The following PHACTR2 variants were observed in gnomAD, a reference collection of about 807,000 sequenced individuals.
The protein encoded by PHACTR2 is phosphatase and actin regulator 2.
PHACTR2 carries 30 observed loss-of-function variants against 76.0 expected under a neutral mutation model. The observed-to-expected ratio is 0.39, with a 90% CI of 0.30 to 0.54. The LOEUF (loss-of-function observed/expected upper bound fraction) is 0.54, where lower values mean the gene tolerates loss of function less well. Among genes scored for constraint, PHACTR2 ranks in the 20% least tolerant of loss-of-function variants. The probability of loss-of-function intolerance (pLI) is 0.61; values close to 1 mark genes in which losing one functional copy is unlikely to be tolerated. For synonymous variants in PHACTR2, 292 were observed against 292.5 expected (o/e 1.00, Z 0.02); for missense variants, 696 against 781.1 (o/e 0.89, Z 1.30).
rs567810647 is a variant in PHACTR2, at chr6:143,705,301, T to G, written c.47-6715T>G. 4.0e-5 allele frequency among the ~76,000 whole-genome samples: 6 copies of G among 149,736 alleles called. No homozygotes were observed. In the South Asian group the frequency reaches 1.3e-3, roughly 32 times the overall value. On this transcript the variant is annotated intron_variant, in intron 1 of 12. Coordinates refer to ENST00000440869, the MANE Select transcript of PHACTR2 (RefSeq NM_001100164.2). ...GTCTGGCTAATTTTTGCATTTTTTT[T>G]TTTTTTTTTTTGAGACGGAGTCTTG...
rs1281927633 is a variant in PHACTR2, at chr6:143,780,284, T to C, written c.1645+2901T>C. Among the ~76,000 whole-genome samples the C allele has an allele frequency of 6.6e-6, 1 of 152,086 alleles. No individual in the cohort carries two copies. Among genetic ancestry groups the C allele is most frequent in the East Asian group, 1.9e-4 (1 of 5,188 alleles). On this transcript the variant is annotated intron_variant, in intron 9 of 12. Coordinates refer to ENST00000440869, the MANE Select transcript of PHACTR2 (RefSeq NM_001100164.2). The surrounding 1 kb of genome is among the most constrained non-coding windows in gnomAD (Gnocchi z 4.4). ...TTGATCCAGCTTTTTTTAATGCACT[T>C]TAAGTTTATGTGTGTCTTTTTCATT...
chr6:143,749,012 A>T lies in PHACTR2; in HGVS notation c.242A>T (p.Gln81Leu). The T allele has an allele frequency of 6.3e-7, 1 of 1,586,632 alleles. No individual in the cohort carries two copies. The highest frequency in any genetic ancestry group is 8.7e-7 in the Non-Finnish European group (1 of 1,155,186). ...TTAGAAAGGAAGATATCCACACGAC[A>T]AAGTAGAGAGGAGCTGATAAGAAGG... ...AVLERKISTR[Q>L]SREELIRRGV... Residue 81 changes from glutamine (Q) to leucine (L), a missense_variant, in exon 3 of 13, where the codon CAA becomes CTA. This residue lies in a region of PHACTR2 where 460 missense variants were observed against 450.9 expected (regional missense o/e 1.02). Coordinates refer to ENST00000440869, the MANE Select transcript of PHACTR2 (RefSeq NM_001100164.2).
At chr6:143,655,157 C>CAAAAAAA (rs151076366) in intron 1 of PHACTR2, among the ~76,000 whole-genome samples, 7 of 98,962 alleles carry the variant, frequency 7.1e-5, no homozygotes, top group South Asian at 3.1e-4. Flanking sequence ...AACTCCGTCT[C>CAAAAAAA]AAAAAAAAAA....
chr6:143,718,879 T>TTTTTG (rs1180098136), intron 2 of PHACTR2, among the ~76,000 whole-genome samples: 1 of 130,592 alleles, frequency 7.7e-6, no homozygotes, highest in Non-Finnish European at 1.7e-5. Context: ...GGAAGTGTTT[T>TTTTTG]TTTTTTTTTT....
At chr6:143,685,206 T>G (rs1341851764) in intron 1 of PHACTR2, among the ~76,000 whole-genome samples, 1 of 152,100 alleles carries the variant, frequency 6.6e-6, no homozygotes, top group East Asian at 1.9e-4. Context: ...ATTTGATCTC[T>G]GTAATTTATT....
At position 143,823,686 on chromosome 6, in the gene PHACTR2, A is replaced by G. The variant is rs1442943424; in HGVS notation, c.1935A>G (p.Pro645=). Residue 645 remains proline (P), a synonymous_variant, in exon 13 of 13, where the codon CCA becomes CCG. Transcript: ENST00000440869. This position sits in a 1 kb window ranked among gnomAD's most constrained non-coding sequence, Gnocchi z 5.7. Reference sequence around the variant, plus strand: ...TTTCTTACTCCAGGTTTCATCGTCCATAACGAAGAGTGAGACTATTTGGAA... The same window carrying G: ...TTTCTTACTCCAGGTTTCATCGTCCGTAACGAAGAGTGAGACTATTTGGAA... The part of the protein sequence containing the change: ...ESRQFTRFHR[P] 6.8e-6 allele frequency: 11 copies of G among 1,611,920 alleles called. No homozygotes were observed. Among genetic ancestry groups the G allele is most frequent in the African/African-American group, 4.0e-5 (3 of 74,898 alleles).
In PHACTR2 at chr6:143,774,615, G is replaced by A. The variant is rs187421747; in HGVS notation, c.1589+400G>A. Among the ~76,000 whole-genome samples the A allele has an allele frequency of 3.7e-4, 57 of 152,306 alleles. No homozygotes were observed. The highest frequency in any genetic ancestry group is 6.8e-3 in the Middle Eastern group (2 of 294). ...TTATTCATAAAGCTGGATTTGGCCTGCAGATCACAGTTTGCTCAACAATCC... is the reference window on the plus strand; with the variant it reads ...TTATTCATAAAGCTGGATTTGGCCTACAGATCACAGTTTGCTCAACAATCC... On this transcript the variant is annotated intron_variant, in intron 8 of 12. Coordinates refer to ENST00000440869, the MANE Select transcript of PHACTR2 (RefSeq NM_001100164.2). This position sits in a 1 kb window ranked among gnomAD's most constrained non-coding sequence, Gnocchi z 5.4.
Position 143,753,822 on chromosome 6 carries a change from C to A in PHACTR2, c.364C>A (p.Arg122=). ...GATACCCATCGGAGAGGAATCTACC[C>A]GAGAGGAAAATGTAGTAAAGTCTGA... ...HMIPIGEEST[R]EENVVKSEEG... Residue 122 remains arginine (R), a synonymous_variant, in exon 4 of 13, where the codon CGA becomes AGA. Transcript: ENST00000440869. This position sits in a 1 kb window ranked among gnomAD's most constrained non-coding sequence, Gnocchi z 4.6. 2 of 1,612,324 alleles carry A rather than the reference C, an allele frequency of 1.2e-6. No individual in the cohort carries two copies. The highest frequency in any genetic ancestry group is 1.7e-6 in the Non-Finnish European group (2 of 1,178,794).
rs1775615923 is a variant in PHACTR2, at chr6:143,788,867, G to A, written c.1802G>A (p.Arg601His). 1.9e-6 allele frequency: 3 copies of A among 1,613,414 alleles called. No homozygotes were observed. The highest frequency in any genetic ancestry group is 1.3e-5 in the African/African-American group (1 of 74,898). The change falls in exon 11 of 13, where the codon CGC (arginine) becomes CAC (histidine). Residue 601 changes from arginine (R) to histidine (H), a missense_variant. Transcript: ENST00000440869. ...VEVTDSPDYD[R>H]RADKPWARLT... ...GTCACGGATTCTCCTGACTATGACCGCCGAGCAGACAAGCCCTGGGCCAGG... is the reference window on the plus strand; with the variant it reads ...GTCACGGATTCTCCTGACTATGACCACCGAGCAGACAAGCCCTGGGCCAGG...
At chr6:143,677,295 T>C (rs1417213946), upstream of PHACTR2, among the ~76,000 whole-genome samples, 4 of 151,774 alleles carry the variant, frequency 2.6e-5, no homozygotes, top group Admixed American at 2.0e-4. Flanking sequence ...TATTTATTTG[T>C]ATTCATATTT....
intron 1 of PHACTR2, among the ~76,000 whole-genome samples, chr6:143,574,293 A>G (rs1045113209): frequency 1.3e-5 from 2 of 152,212 alleles, no homozygotes; most frequent in African/African-American, 4.8e-5. Flanking sequence ...ATAATGTAAC[A>G]TAATCACAGA....
In PHACTR2 at chr6:143,641,691, A is replaced by C. The variant is rs1776564610; in HGVS notation, c.13+33369A>C. On this transcript the variant is annotated intron_variant, in intron 1 of 11. Transcript: ENST00000305766. This position sits in a 1 kb window ranked among gnomAD's most constrained non-coding sequence, Gnocchi z 5.8. ...CCAGCTAATTTTGTATTTTGAATAG[A>C]GACGGGGTTTCTCCATGTTGGTCAG... Among the ~76,000 whole-genome samples the C allele has an allele frequency of 1.3e-5, 2 of 152,056 alleles. No individual in the cohort carries two copies. The highest frequency in any genetic ancestry group is 1.3e-4 in the Admixed American group (2 of 15,258).
Position 143,754,266 on chromosome 6 carries a change from T to C in PHACTR2, c.454+354T>C, listed in dbSNP as rs142038691. ...AGTGAGAAATCTGAACATCTTTCTC[T>C]GCTGGTTACAATTGGACCCGTGAGC... On this transcript the variant is annotated intron_variant, in intron 4 of 12. Coordinates refer to ENST00000440869, the MANE Select transcript of PHACTR2 (RefSeq NM_001100164.2). This position sits in a 1 kb window ranked among gnomAD's most constrained non-coding sequence, Gnocchi z 6.2. The C allele has an allele frequency of 6.3e-3, 1,073 of 169,114 alleles. 13 individuals carry two copies. The highest frequency in any genetic ancestry group is 0.024 in the African/African-American group (1,014 of 41,750). 10.5% of individuals were successfully genotyped at this position (169,114 alleles called of 1,614,324 possible).
In PHACTR2 at chr6:143,571,150, G is replaced by A. The variant is rs780424735; in HGVS notation, c.217+33943G>A. Among the ~76,000 whole-genome samples the A allele has an allele frequency of 2.8e-4, 42 of 152,302 alleles. No homozygotes were observed. Among genetic ancestry groups the A allele is most frequent in the Non-Finnish European group, 5.3e-4 (36 of 68,024 alleles). On this transcript the variant is annotated intron_variant, in intron 1 of 11. Transcript: ENST00000367584. This position sits in a 1 kb window ranked among gnomAD's most constrained non-coding sequence, Gnocchi z 4.6. ...GGGAATGTAGGTAAAGAGCAGTACA[G>A]TACAGTACTTCTAACTAATCTGCAG...
rs1776083931 is a variant in PHACTR2 at position 143,617,974 on chromosome 6, G to A, written c.13+9652G>A. On this transcript the variant is annotated intron_variant, in intron 1 of 11. Transcript: ENST00000305766. The surrounding 1 kb of genome is among the most constrained non-coding windows in gnomAD (Gnocchi z 4.8). ...ACTAAAAGTGAAGATTCACCACAGT[G>A]GCAAAAACTATTTCTAAAGAGACTA... 6.6e-6 allele frequency among the ~76,000 whole-genome samples: 1 copy of A among 152,022 alleles called. No homozygotes were observed. Among genetic ancestry groups the A allele is most frequent in the African/African-American group, 2.4e-5 (1 of 41,396 alleles).
rs1176627670 is a variant in PHACTR2, at chr6:143,561,590, T to C, written c.217+24383T>C. On this transcript the variant is annotated intron_variant, in intron 1 of 11. Coordinates refer to the PHACTR2 transcript ENST00000367584. The surrounding 1 kb of genome is among the most constrained non-coding windows in gnomAD (Gnocchi z 4.1). Reference sequence around the variant, plus strand: ...CAGTCCTCCCTGGAGCTGGGCATAGTGAAGTCTCTGGGGAGGGCAGCACCC... The same window carrying C: ...CAGTCCTCCCTGGAGCTGGGCATAGCGAAGTCTCTGGGGAGGGCAGCACCC... The C allele has an allele frequency of 6.6e-6, 1 of 152,356 alleles. No individual in the cohort carries two copies. The highest frequency in any genetic ancestry group is 1.5e-5 in the Non-Finnish European group (1 of 68,212). 9.4% of individuals were successfully genotyped at this position (152,356 alleles called of 1,614,324 possible).
In PHACTR2 at chr6:143,794,336, TTA is replaced by T. The variant is rs1582887722; in HGVS notation, c.1845+5434_1845+5435del. 1.3e-5 allele frequency among the ~76,000 whole-genome samples: 2 copies of T among 150,748 alleles called. No homozygotes were observed. The highest frequency in any genetic ancestry group is 3.9e-4 in the East Asian group (2 of 5,170). On this transcript the variant is annotated intron_variant, in intron 11 of 12. Transcript: ENST00000440869. The surrounding 1 kb of genome is among the most constrained non-coding windows in gnomAD (Gnocchi z 4.1). ...AAAACATTTTATAATATATTATTTA[TTA>T]TATATATTTAGATCAGATTTAAAAT...
rs1416595542 is a variant in PHACTR2 at position 143,828,153 on chromosome 6, A to G, written c.*4464A>G. 6.6e-6 allele frequency: 1 copy of G among 152,142 alleles called. No individual in the cohort carries two copies. Among genetic ancestry groups the G allele is most frequent in the East Asian group, 1.9e-4 (1 of 5,198 alleles). 9.4% of individuals were successfully genotyped at this position (152,142 alleles called of 1,614,324 possible). The stretch of plus-strand genomic sequence containing the variant: ...AGACAGAGCAAGACTCCATCTCAAA[A>G]TAATAATAATAGTAATAATGAATAA... On this transcript the variant is annotated 3_prime_UTR_variant, in exon 13 of 13. Transcript: ENST00000440869. The surrounding 1 kb of genome is among the most constrained non-coding windows in gnomAD (Gnocchi z 4.7).
rs1489303624 is a variant in PHACTR2 at position 143,784,984 on chromosome 6, C to T, written c.1707+1704C>T. Among the ~76,000 whole-genome samples the T allele has an allele frequency of 6.6e-6, 1 of 152,100 alleles. No homozygotes were observed. The highest frequency in any genetic ancestry group is 2.4e-5 in the African/African-American group (1 of 41,412). On this transcript the variant is annotated intron_variant, in intron 10 of 12. Coordinates refer to ENST00000440869, the MANE Select transcript of PHACTR2 (RefSeq NM_001100164.2). The surrounding 1 kb of genome is among the most constrained non-coding windows in gnomAD (Gnocchi z 4.5). The stretch of plus-strand genomic sequence containing the variant: ...GTTGAGATTTGGGTGGGGACACAGC[C>T]AAACCATATCATTCTGCCCCTGGCC...
Sources: gnomAD v4.1 joint callset for allele counts (sites outside exome capture counted in the v4.1 genomes callset) on GRCh38, gnomAD v4.1.1 for gene constraint, gnomAD v4.1.1 regional missense constraint, Gnocchi (gnomAD v3.1) non-coding constraint, MANE v1.5 for transcripts, NCBI Gene and HGNC (gene_info 2026-07-23, HGNC 2026-07-21) for gene names.